TMEM132C: variants seen among roughly 807,000 people sequenced by gnomAD.
TMEM132C encodes the protein protein phosphatase 1, regulatory subunit 152.
Under a neutral mutation model 61.4 loss-of-function variants are expected in TMEM132C, and 29 were observed. The ratio of observed to expected loss-of-function variants is 0.47; its 90% CI spans 0.35 to 0.64. The LOEUF (loss-of-function observed/expected upper bound fraction) is 0.64. Among genes scored for constraint, TMEM132C ranks in the 30% least tolerant of loss-of-function variants. The probability of loss-of-function intolerance (pLI) is 0.00; values close to 1 mark genes in which losing one functional copy is unlikely to be tolerated. For missense variants in TMEM132C, 1,408 were observed against 1,476.9 expected (o/e 0.95, Z 0.76); for synonymous variants, 656 against 633.1 (o/e 1.04, Z -0.54).
chr12:128,279,530 G>A (rs1514897), intron 1 of TMEM132C, among the ~76,000 whole-genome samples: 41,306 of 151,952 alleles, frequency 0.27, 6,721 homozygotes, highest in Admixed American at 0.37. Context: ...CTCTGACCCC[G>A]TAGCATCCTT....
chr12:128,426,282 T>C (rs1869181412), intron 2 of TMEM132C, among the ~76,000 whole-genome samples: 2 of 152,332 alleles, frequency 1.3e-5, no homozygotes, highest in South Asian at 4.1e-4. Flanking sequence ...TTTTCTTACC[T>C]ATTTGATATC....
intron 1 of TMEM132C, among the ~76,000 whole-genome samples, chr12:128,384,295 C>G (rs1019911241): frequency 8.5e-5 from 13 of 152,158 alleles, no homozygotes; most frequent in African/African-American, 3.1e-4. Context: ...GGCGCACCCT[C>G]CCTGCAGAAG....
intron 1 of TMEM132C, among the ~76,000 whole-genome samples, chr12:128,316,046 C>T (rs1418040267): frequency 1.3e-5 from 2 of 151,864 alleles, no homozygotes. Context: ...TTTGTAAGAG[C>T]AGCTCCAAGA....
intron 1 of TMEM132C, among the ~76,000 whole-genome samples, chr12:128,324,954 A>T (rs1355107699): frequency 1.3e-5 from 2 of 152,218 alleles, no homozygotes; most frequent in Non-Finnish European, 1.5e-5. Context: ...CCAATTTTTT[A>T]CTGTTATAAA....
chr12:128,546,709 G>A (rs1407105827), intron 3 of TMEM132C, among the ~76,000 whole-genome samples: 1 of 152,214 alleles, frequency 6.6e-6, no homozygotes, highest in East Asian at 1.9e-4. Flanking sequence ...GGCGGGTGGT[G>A]CATTGGGTGG....
chr12:128,627,021 C>T (rs184354803), intron 4 of TMEM132C, among the ~76,000 whole-genome samples: 6 of 152,268 alleles, frequency 3.9e-5, no homozygotes, highest in African/African-American at 1.4e-4. Context: ...GCAGATGCTG[C>T]CAGCTCTCCT....
chr12:128,516,755 A>T (rs1216717783), intron 2 of TMEM132C, among the ~76,000 whole-genome samples: 3 of 152,102 alleles, frequency 2.0e-5, no homozygotes, highest in African/African-American at 7.2e-5. Flanking sequence ...CTACAAAAAA[A>T]ATTTTTAAAT....
intron 1 of TMEM132C, among the ~76,000 whole-genome samples, chr12:128,398,923 C>T (rs942025976): frequency 2.6e-5 from 4 of 152,282 alleles, no homozygotes; most frequent in Middle Eastern, 3.4e-3. Context: ...CTTATAATTC[C>T]CCATTCCCTC....
chr12:128,608,753 A>T (rs1486068683), intron 3 of TMEM132C, among the ~76,000 whole-genome samples: 6 of 152,300 alleles, frequency 3.9e-5, no homozygotes, highest in Non-Finnish European at 8.8e-5. Flanking sequence ...TAGGGTAGAC[A>T]CAGCTATTGA....
At chr12:128,342,062 G>A (rs751436714) in intron 1 of TMEM132C, among the ~76,000 whole-genome samples, 3 of 151,448 alleles carry the variant, frequency 2.0e-5, no homozygotes, top group Non-Finnish European at 2.9e-5. Flanking sequence ...ATGCTGGAGT[G>A]CAGTGGCATG....
intron 2 of TMEM132C, among the ~76,000 whole-genome samples, chr12:128,540,929 TTCTC>T (rs1275599993): frequency 2.0e-4 from 27 of 132,446 alleles, no homozygotes; most frequent in African/African-American, 1.2e-3. Context: ...GTCTGTCTGT[TTCTC>T]TCTGTCTCTG....
chr12:128,645,206 G>A (rs901011777), intron 4 of TMEM132C, among the ~76,000 whole-genome samples: 14 of 152,246 alleles, frequency 9.2e-5, no homozygotes, highest in East Asian at 3.9e-4. Flanking sequence ...GGACTATGGC[G>A]CTGTGGCTTT....
At chr12:128,491,995 C>T (rs1180939552) in intron 2 of TMEM132C, among the ~76,000 whole-genome samples, 2 of 152,066 alleles carry the variant, frequency 1.3e-5, no homozygotes, top group Non-Finnish European at 2.9e-5. Flanking sequence ...TGCTTTCCCT[C>T]CCCACTCCCT....
intron 2 of TMEM132C, among the ~76,000 whole-genome samples, chr12:128,487,192 G>T (rs565936073): frequency 6.6e-6 from 1 of 152,230 alleles, no homozygotes; most frequent in Non-Finnish European, 1.5e-5. Context: ...AGAGTGCCCC[G>T]CCGGTGTCTG....
rs188022098 is a variant in TMEM132C at position 128,581,946 on chromosome 12, C to T, written c.1122-34206C>T. ...AGAGCCAAACAAGTGGCTTCAGCTC[C>T]GCGAATCCTTCCTACATTTCCTCAG... On this transcript the variant is annotated intron_variant, in intron 3 of 8. Coordinates refer to ENST00000435159, the MANE Select transcript of TMEM132C (RefSeq NM_001136103.3). Among the ~76,000 whole-genome samples the T allele has an allele frequency of 3.2e-4, 48 of 152,238 alleles. 1 individual carries two copies. Among genetic ancestry groups the T allele is most frequent in the East Asian group, 1.5e-3 (8 of 5,162 alleles).
At chr12:128,475,798 C>T (rs1019458648) in intron 2 of TMEM132C, among the ~76,000 whole-genome samples, 1 of 152,166 alleles carries the variant, frequency 6.6e-6, no homozygotes, top group Non-Finnish European at 1.5e-5. Context: ...TTCACAGAAG[C>T]CTCCCAGCAG....
chr12:128,283,554 C>G (rs1395925267), intron 1 of TMEM132C, among the ~76,000 whole-genome samples: 1 of 152,094 alleles, frequency 6.6e-6, no homozygotes, highest in Admixed American at 6.5e-5. Context: ...CTCCCTCTGT[C>G]TGTCTCTCTC....
intron 1 of TMEM132C, among the ~76,000 whole-genome samples, chr12:128,289,496 A>G (rs1380683621): frequency 6.6e-6 from 1 of 152,232 alleles, no homozygotes; most frequent in Non-Finnish European, 1.5e-5. Flanking sequence ...AGTTTTCTCC[A>G]AGAACACGGC....
chr12:128,604,636 T>C (rs1341699925), intron 3 of TMEM132C, among the ~76,000 whole-genome samples: 1 of 151,642 alleles, frequency 6.6e-6, no homozygotes, highest in Non-Finnish European at 1.5e-5. Flanking sequence ...GGAAGATAGA[T>C]AATAGATGGA....
Sources: gnomAD v4.1 joint callset for allele counts (sites outside exome capture counted in the v4.1 genomes callset) on GRCh38, gnomAD v4.1.1 for gene constraint, MANE v1.5 for transcripts, NCBI Gene and HGNC (gene_info 2026-07-23, HGNC 2026-07-21) for gene names.